The following CBLB variants were observed in gnomAD, a reference collection of about 807,000 sequenced individuals.
CBLB encodes the protein E3 ubiquitin-protein ligase CBL-B.
In CBLB, 31 loss-of-function variants were observed where a neutral mutation model predicts 104.9. That is an observed-to-expected ratio of 0.30 (90% CI 0.22 to 0.40). The LOEUF is 0.40. Ranked by LOEUF, CBLB falls within the 10% of genes least tolerant of loss-of-function variation. The pLI, the probability that CBLB is intolerant of heterozygous loss-of-function variation, is 1.00. For missense variants in CBLB, 1,062 were observed against 1,214.6 expected (o/e 0.87, Z 1.87); for synonymous variants, 440 against 422.6 (o/e 1.04, Z -0.51).
intron 3 of CBLB, among the ~76,000 whole-genome samples, chr3:105,833,105 G>A (rs890965700): frequency 6.6e-5 from 10 of 152,164 alleles, no homozygotes; most frequent in South Asian, 6.2e-4. Context: ...GGAGAGTGTC[G>A]TGAAATGAAT....
intron 8 of CBLB, among the ~76,000 whole-genome samples, chr3:105,735,449 A>C (rs568971974): frequency 6.6e-6 from 1 of 152,360 alleles, no homozygotes; most frequent in African/African-American, 2.4e-5. Flanking sequence ...AAATTACATT[A>C]AGCTAAAATC....
intron 2 of CBLB, among the ~76,000 whole-genome samples, chr3:105,862,478 C>T (rs1209912376): frequency 1.3e-5 from 2 of 152,116 alleles, no homozygotes; most frequent in East Asian, 3.9e-4. Flanking sequence ...ATTTTACCTC[C>T]AAAATGCCTC....
At chr3:105,780,184 A>C (rs982153999) in intron 3 of CBLB, among the ~76,000 whole-genome samples, 2 of 152,108 alleles carry the variant, frequency 1.3e-5, no homozygotes, top group African/African-American at 4.8e-5. Context: ...AAAACTTTCA[A>C]TTTTGAAAAT....
intron 10 of CBLB, among the ~76,000 whole-genome samples, chr3:105,713,430 C>A (rs567992652): frequency 6.6e-6 from 1 of 151,722 alleles, no homozygotes; most frequent in Admixed American, 6.6e-5. Flanking sequence ...TACTGTGTAT[C>A]AAGCACCATG....
intron 4 of CBLB, among the ~76,000 whole-genome samples, chr3:105,768,612 A>G (rs1272441512): frequency 1.3e-5 from 2 of 152,226 alleles, no homozygotes; most frequent in Non-Finnish European, 2.9e-5. Flanking sequence ...ACAAAATCTG[A>G]CATACAATAA....
At chr3:105,733,784 A>G (rs989280491) in intron 9 of CBLB, among the ~76,000 whole-genome samples, 2 of 152,240 alleles carry the variant, frequency 1.3e-5, no homozygotes, top group Non-Finnish European at 2.9e-5. Flanking sequence ...GTACTACAGA[A>G]GTAGAACTAC....
Position 105,685,341 on chromosome 3 carries a change from T to C in CBLB, c.2180A>G (p.His727Arg). 6.2e-7 allele frequency: 1 copy of C among 1,613,940 alleles called. No homozygotes were observed. The highest frequency in any genetic ancestry group is 8.5e-7 in the Non-Finnish European group (1 of 1,179,876). ...TTACCGAACAGGAGGTTTTACATTATGACAATGAGATGGTTGTGAATTCAG... is the reference window on the plus strand; with the variant it reads ...TTACCGAACAGGAGGTTTTACATTACGACAATGAGATGGTTGTGAATTCAG... ...VSLNSQPSHC[H>R]NVKPPVRSCD... The change falls in exon 14 of 19, where the codon CAT becomes CGT. Residue 727 changes from histidine to arginine, a missense_variant. By Grantham distance (29) the His-to-Arg change is conservative (BLOSUM62 0). Around this residue, in one of 2 missense-constraint regions of CBLB, gnomAD observed 605 missense variants for 582.6 expected, o/e 1.04. Transcript: ENST00000394030.
intron 6 of CBLB, among the ~76,000 whole-genome samples, chr3:105,744,431 T>C (rs944620693): frequency 5.3e-5 from 8 of 152,182 alleles, no homozygotes; most frequent in African/African-American, 1.9e-4. Flanking sequence ...ACTGTCAATA[T>C]GCAAAATAAC....
At chr3:105,782,868 C>T (rs759230455) in intron 3 of CBLB, among the ~76,000 whole-genome samples, 2 of 152,052 alleles carry the variant, frequency 1.3e-5, no homozygotes, top group East Asian at 1.9e-4. Context: ...CAACTGAGCC[C>T]GGCCTGTGGT....
At chr3:105,698,802 T>C (rs1005596978) in intron 12 of CBLB, among the ~76,000 whole-genome samples, 1 of 152,060 alleles carries the variant, frequency 6.6e-6, no homozygotes, top group Non-Finnish European at 1.5e-5. Context: ...TCTTAGTCTT[T>C]TTAAAAAATC....
At chr3:105,683,520 T>C (rs2066584367) in intron 14 of CBLB, among the ~76,000 whole-genome samples, 2 of 144,798 alleles carry the variant, frequency 1.4e-5, no homozygotes, top group Admixed American at 7.0e-5. Flanking sequence ...CAATTAAAAT[T>C]TAACGTATTA....
chr3:105,810,560 C>G (rs992112457), intron 3 of CBLB, among the ~76,000 whole-genome samples: 1 of 151,892 alleles, frequency 6.6e-6, no homozygotes, highest in South Asian at 2.1e-4. Context: ...TAATTCTAAA[C>G]CTCAAAATAA....
chr3:105,838,933 C>G (rs1368049885), intron 3 of CBLB, among the ~76,000 whole-genome samples: 2 of 152,046 alleles, frequency 1.3e-5, no homozygotes, highest in African/African-American at 2.4e-5. Context: ...CTAAGTGACT[C>G]GAGACTGGAA....
In CBLB at chr3:105,789,975, T is replaced by C. The variant is rs574311528; in HGVS notation, c.420-13433A>G. 2.0e-5 allele frequency among the ~76,000 whole-genome samples: 3 copies of C among 152,290 alleles called. No homozygotes were observed. The South Asian group carries it at 6.2e-4, about 32-fold the overall frequency. ...TAAGAAGATATTTAAAAATATTGCT[T>C]AACAGATCACTGTACCTGTCTACCT... On this transcript the variant is annotated intron_variant, in intron 3 of 18. Coordinates refer to ENST00000394030, the MANE Select transcript of CBLB (RefSeq NM_170662.5).
chr3:105,680,679 G>A (rs2152725855), intron 16 of CBLB, among the ~76,000 whole-genome samples: 1 of 152,292 alleles, frequency 6.6e-6, no homozygotes, highest in South Asian at 2.1e-4. Context: ...GTGAGAAAAT[G>A]GAAAGGTTCA....
intron 3 of CBLB, among the ~76,000 whole-genome samples, chr3:105,798,668 T>C (rs1392043170): frequency 6.6e-6 from 1 of 152,218 alleles, no homozygotes; most frequent in Non-Finnish European, 1.5e-5. Flanking sequence ...CAGAACCAGA[T>C]GTTAAATATT....
At chr3:105,661,202 T>C (rs1559716416) in intron 18 of CBLB, among the ~76,000 whole-genome samples, 1 of 152,204 alleles carries the variant, frequency 6.6e-6, no homozygotes, top group African/African-American at 2.4e-5. Flanking sequence ...AGTATGCCCA[T>C]ATATAAGAAC....
At chr3:105,796,866 C>T (rs985624101) in intron 3 of CBLB, among the ~76,000 whole-genome samples, 1 of 152,110 alleles carries the variant, frequency 6.6e-6, no homozygotes, top group African/African-American at 2.4e-5. Flanking sequence ...CAAATCAAAA[C>T]CACAATGGGA....
At chr3:105,662,209 A>G (rs1402042808) in intron 18 of CBLB, among the ~76,000 whole-genome samples, 1 of 152,038 alleles carries the variant, frequency 6.6e-6, no homozygotes, top group Admixed American at 6.6e-5. Flanking sequence ...CACTTTCTCC[A>G]CTTTTCTTTT....
Sources: gnomAD v4.1 joint callset for allele counts (sites outside exome capture counted in the v4.1 genomes callset) on GRCh38, gnomAD v4.1.1 for gene constraint, gnomAD v4.1.1 regional missense constraint, MANE v1.5 for transcripts, NCBI Gene and HGNC (gene_info 2026-07-23, HGNC 2026-07-21) for gene names.